Variants in ZFAND3 observed in about 807,000 individuals in gnomAD.
The protein encoded by ZFAND3 is AN1-type zinc finger protein 3.
Under a neutral mutation model 29.6 loss-of-function variants are expected in ZFAND3, and 10 were observed. The ratio of observed to expected loss-of-function variants is 0.34; its 90% CI spans 0.21 to 0.57. The LOEUF (loss-of-function observed/expected upper bound fraction) is 0.57. Among genes scored for constraint, ZFAND3 ranks in the 20% least tolerant of loss-of-function variants. ZFAND3 has a pLI of 0.86. For synonymous variants in ZFAND3, 128 were observed against 112.6 expected (o/e 1.14, Z -0.87); for missense variants, 230 against 304.5 (o/e 0.76, Z 1.82).
At position 38,024,481 on chromosome 6, in the gene ZFAND3, A is replaced by AAT. The variant is rs1440405561; in HGVS notation, c.113-37111_113-37110insTA. 5.8e-4 allele frequency among the ~76,000 whole-genome samples: 88 copies of AAT among 152,142 alleles called. 2 individuals are homozygous for AAT. The East Asian group carries it at 0.013, about 22-fold the overall frequency. ...GCGAGACTCCGTCTCAAAAAAAAAAAAAAAAAGTACCTAAACGTGCATGTT... is the reference window on the plus strand; with the variant it reads ...GCGAGACTCCGTCTCAAAAAAAAAAAATAAAAAAGTACCTAAACGTGCATGTT... On this transcript the variant is annotated intron_variant, in intron 2 of 5. Coordinates refer to ENST00000287218, the MANE Select transcript of ZFAND3 (RefSeq NM_021943.3).
At chr6:38,063,575 G>C (rs1159331318) in intron 3 of ZFAND3, among the ~76,000 whole-genome samples, 1 of 152,188 alleles carries the variant, frequency 6.6e-6, no homozygotes, top group Non-Finnish European at 1.5e-5. Flanking sequence ...CTGAGGAAGT[G>C]GTGGTAAAGA....
intron 1 of ZFAND3, among the ~76,000 whole-genome samples, chr6:37,839,000 T>G (rs1284170710): frequency 6.6e-6 from 1 of 152,182 alleles, no homozygotes; most frequent in Non-Finnish European, 1.5e-5. Context: ...TCTTTTTGAT[T>G]ATAGCCAACC....
At chr6:37,833,273 G>GA (rs1342573357) in intron 1 of ZFAND3, 1 of 152,002 alleles carries the variant, frequency 6.6e-6, no homozygotes, top group African/African-American at 2.4e-5. Context: ...ATAGCTAAAT[G>GA]AATTTTCACA....
At chr6:38,006,655 G>GT (rs5875608) in intron 2 of ZFAND3, among the ~76,000 whole-genome samples, 1 of 133,112 alleles carries the variant, frequency 7.5e-6, no homozygotes, top group African/African-American at 2.8e-5. Context: ...GAGGAAGAGG[G>GT]TTTTTTTTTT....
In ZFAND3 at chr6:37,935,922, C is replaced by A. The variant is rs10498739; in HGVS notation, c.112+5923C>A. Among the ~76,000 whole-genome samples the A allele has an allele frequency of 0.017, 2,592 of 152,182 alleles. 254 individuals are homozygous for A. The East Asian group carries it at 0.28, about 16-fold the overall frequency. ...CAGTGTTAAAATACATATGAAAAGT[C>A]AAGCATAGAGTCTAATGAATATTCC... On this transcript the variant is annotated intron_variant, in intron 2 of 5. Coordinates refer to ENST00000287218, the MANE Select transcript of ZFAND3 (RefSeq NM_021943.3).
chr6:37,995,709 G>C (rs2031234339), intron 2 of ZFAND3, among the ~76,000 whole-genome samples: 2 of 152,130 alleles, frequency 1.3e-5, no homozygotes, highest in Non-Finnish European at 2.9e-5. Context: ...GCCTTTTAAT[G>C]AGCACAAAAA....
intron 1 of ZFAND3, among the ~76,000 whole-genome samples, chr6:37,841,367 T>C (rs1764070566): frequency 7.4e-6 from 1 of 134,652 alleles, no homozygotes; most frequent in Non-Finnish European, 1.7e-5. Flanking sequence ...CTTCTATCCA[T>C]CTATTAATCT....
intron 1 of ZFAND3, among the ~76,000 whole-genome samples, chr6:37,870,528 G>A (rs1203840778): frequency 1.3e-5 from 2 of 150,118 alleles, no homozygotes; most frequent in Non-Finnish European, 3.0e-5. Context: ...GAACATGGGA[G>A]GTGGAGGTTG....
At chr6:37,865,856 C>CA (rs1737040339) in intron 1 of ZFAND3, among the ~76,000 whole-genome samples, 1 of 152,160 alleles carries the variant, frequency 6.6e-6, no homozygotes, top group African/African-American at 2.4e-5. Flanking sequence ...TGCAAAAGTG[C>CA]AAAAACTTCT....
intron 5 of ZFAND3, among the ~76,000 whole-genome samples, chr6:38,123,488 T>C (rs1394010811): frequency 6.6e-6 from 1 of 152,272 alleles, no homozygotes; most frequent in Non-Finnish European, 1.5e-5. Context: ...CACAGTGTTC[T>C]AGCCTAGATC....
chr6:38,115,756 G>A (rs1765404384), intron 4 of ZFAND3, among the ~76,000 whole-genome samples: 1 of 152,178 alleles, frequency 6.6e-6, no homozygotes, highest in Non-Finnish European at 1.5e-5. Context: ...TTTATTGAAG[G>A]CAAGAGTCGT....
intron 2 of ZFAND3, among the ~76,000 whole-genome samples, chr6:38,045,058 A>T (rs573016114): frequency 3.3e-4 from 33 of 99,004 alleles, no homozygotes; most frequent in Middle Eastern, 5.3e-3. Flanking sequence ...AAATTCTTTT[A>T]TTTATTTATT....
At chr6:37,904,273 A>G (rs1765370642) in intron 1 of ZFAND3, among the ~76,000 whole-genome samples, 1 of 152,194 alleles carries the variant, frequency 6.6e-6, no homozygotes, top group South Asian at 2.1e-4. Context: ...TTTGACATGC[A>G]GCAGAAGTAC....
At chr6:37,843,575 G>C (rs1764119610) in intron 1 of ZFAND3, among the ~76,000 whole-genome samples, 1 of 152,106 alleles carries the variant, frequency 6.6e-6, no homozygotes, top group African/African-American at 2.4e-5. Context: ...GCTGAAATCA[G>C]ATCTGAGAGC....
At chr6:38,144,598 T>TA (rs1766065867) in intron 5 of ZFAND3, among the ~76,000 whole-genome samples, 1 of 152,238 alleles carries the variant, frequency 6.6e-6, no homozygotes, top group South Asian at 2.1e-4. Context: ...CAGAGTGTGT[T>TA]ACAGTACCAC....
intron 2 of ZFAND3, among the ~76,000 whole-genome samples, chr6:37,945,987 C>G (rs1426280632): frequency 1.3e-5 from 2 of 152,156 alleles, no homozygotes; most frequent in Admixed American, 1.3e-4. Context: ...GAAACAACCC[C>G]ACCCTAACAT....
Position 37,914,032 on chromosome 6 carries a change from A to G in ZFAND3, c.72-15927A>G, listed in dbSNP as rs372965006. ...GAGTTACTGCACCTGGCTGGCAGCT[A>G]TATTCTTATGAAATGTATTTCTTAA... On this transcript the variant is annotated intron_variant, in intron 1 of 5. Coordinates refer to ENST00000287218, the MANE Select transcript of ZFAND3 (RefSeq NM_021943.3). 7.2e-5 allele frequency among the ~76,000 whole-genome samples: 11 copies of G among 152,130 alleles called. No individual in the cohort carries two copies. The East Asian group carries it at 2.1e-3, about 29-fold the overall frequency.
chr6:37,867,399 G>A (rs528797361), intron 1 of ZFAND3, among the ~76,000 whole-genome samples: 42 of 152,202 alleles, frequency 2.8e-4, no homozygotes, highest in Non-Finnish European at 5.1e-4. Flanking sequence ...TCCTAAGCTT[G>A]CTGCTGACAG....
At chr6:38,043,190 C>T (rs1273738408) in intron 2 of ZFAND3, among the ~76,000 whole-genome samples, 23 of 152,030 alleles carry the variant, frequency 1.5e-4, no homozygotes, top group Admixed American at 1.3e-3. Flanking sequence ...TCTCTCATCT[C>T]GTCTTGTCTT....
Sources: gnomAD v4.1 joint callset for allele counts (sites outside exome capture counted in the v4.1 genomes callset) on GRCh38, gnomAD v4.1.1 for gene constraint, MANE v1.5 for transcripts, NCBI Gene and HGNC (gene_info 2026-07-23, HGNC 2026-07-21) for gene names.